The following ABCA5 variants were observed in gnomAD, a reference collection of about 807,000 sequenced individuals.
ABCA5 encodes ATP binding cassette subfamily A member 5, also known as cholesterol transporter ABCA5.
A neutral mutation model predicts 206.0 loss-of-function variants in ABCA5; 163 were observed. That is an observed-to-expected ratio of 0.79 (90% CI 0.70 to 0.90). ABCA5 has a LOEUF of 0.90. Among genes scored for constraint, ABCA5 ranks in the 40% least tolerant of loss-of-function variants. The probability of loss-of-function intolerance (pLI) is 0.00; values close to 1 mark genes in which losing one functional copy is unlikely to be tolerated. For missense variants in ABCA5, 1,859 were observed against 1,912.9 expected, an observed-to-expected ratio of 0.97 and a Z score of 0.53; for synonymous variants, 609 against 613.8, an observed-to-expected ratio of 0.99 and a Z score of 0.11.
At chr17:69,321,264 A>G (rs991769297) in intron 1 of ABCA5, among the ~76,000 whole-genome samples, 3 of 147,066 alleles carry the variant, frequency 2.0e-5, no homozygotes, top group South Asian at 2.1e-4. Flanking sequence ...TGAGGTTTCC[A>G]GAAAGAAAGG....
intron 2 of ABCA5, among the ~76,000 whole-genome samples, chr17:69,313,567 ATATT>A (rs1403019983): frequency 6.6e-6 from 1 of 152,150 alleles, no homozygotes; most frequent in African/African-American, 2.4e-5. Context: ...ATAAAAGATA[ATATT>A]TAAACATCTT....
At chr17:69,310,675 T>G (rs923697114) in intron 3 of ABCA5, among the ~76,000 whole-genome samples, 1 of 152,222 alleles carries the variant, frequency 6.6e-6, no homozygotes, top group Admixed American at 6.5e-5. Flanking sequence ...TTAAATATTT[T>G]CTTGTAGTTT....
At position 69,274,121 on chromosome 17, in the gene ABCA5, G is replaced by C. The variant is rs747539849; in HGVS notation, c.2602C>G (p.Leu868Val). The C allele has an allele frequency of 2.6e-6, 4 of 1,556,732 alleles. No homozygotes were observed. The highest frequency in any genetic ancestry group is 1.7e-6 in the Non-Finnish European group (2 of 1,159,922). Residue 868 changes from leucine (L) to valine (V), a missense_variant, in exon 20 of 39, where the codon CTG becomes GTG. Physicochemically the swap from Leu to Val is conservative, Grantham distance 32. Transcript: ENST00000392676. ...ESKSVRSVLL[L>V]LLIFFTVQIF... ...TGAACTGTGAAAAAAATTAAAAGCA[G>C]AAGCAACCTGAAAAGAAAAAAAAAA...
intron 2 of ABCA5, 28 bp from the exon 3 acceptor site, chr17:69,313,324 A>G: frequency 1.9e-6 from 2 of 1,072,430 alleles, no homozygotes; most frequent in Non-Finnish European, 2.6e-6. Flanking sequence ...AAGTAATTAC[A>G]AAGTATAACA....
rs1297896346 is a variant in ABCA5, at chr17:69,245,893, A to C, written c.*1644T>G. ...CTTAGGATGGTCAGGTTCTAAAAAA[A>C]ACTATGCTTTTTCGTGACTGCCTTA... On this transcript the variant is annotated 3_prime_UTR_variant, in exon 39 of 39. Coordinates refer to ENST00000392676, the MANE Select transcript of ABCA5 (RefSeq NM_172232.4). 1 of 152,024 alleles carries C rather than the reference A, an allele frequency of 6.6e-6. No individual in the cohort carries two copies. Among genetic ancestry groups the C allele is most frequent in the Non-Finnish European group, 1.5e-5 (1 of 67,860 alleles). The allele number at this position is 152,024 out of a possible 1,614,324, so 9.4% of individuals were successfully genotyped here.
chr17:69,289,626 G>A (rs1271868291), intron 13 of ABCA5, among the ~76,000 whole-genome samples: 1 of 152,104 alleles, frequency 6.6e-6, no homozygotes, highest in Non-Finnish European at 1.5e-5. Flanking sequence ...TAGAGGAGAT[G>A]AGAGCAAGAG....
At chr17:69,274,348 A>G (rs938781824) in intron 19 of ABCA5, among the ~76,000 whole-genome samples, 2 of 151,646 alleles carry the variant, frequency 1.3e-5, no homozygotes, top group African/African-American at 4.8e-5. Context: ...CATCCCAAAT[A>G]GCTGAGACTA....
chr17:69,310,706 T>G (rs1379568385), intron 3 of ABCA5, among the ~76,000 whole-genome samples: 1 of 152,154 alleles, frequency 6.6e-6, no homozygotes, highest in African/African-American at 2.4e-5. Flanking sequence ...CAACTAATTT[T>G]CACTACAGAA....
chr17:69,250,223 T>A (rs572959961), intron 36 of ABCA5, among the ~76,000 whole-genome samples: 1 of 151,768 alleles, frequency 6.6e-6, no homozygotes, highest in Non-Finnish European at 1.5e-5. Flanking sequence ...AAGGCAGATA[T>A]AAAACACCAG....
chr17:69,302,775 C>T lies in ABCA5; in HGVS notation c.1062G>A (p.Ser354=), dbSNP rs143655246. ...MIILIESFPK[S]LVWLFSPFCH... is the part of the protein sequence containing the mutation. ...AGAAAGGACTGAAAAGCCACACTAA[C>T]GATTTGGGAAAACTTTCTATGAGGA... is the stretch of plus-strand genomic sequence containing the variant. Residue 354 remains serine, a synonymous_variant, in exon 8 of 39, where the codon TCG becomes TCA. Transcript: ENST00000392676. 1.6e-3 allele frequency: 2,531 copies of T among 1,599,072 alleles called. 3 individuals carry two copies. Among genetic ancestry groups the T allele is most frequent in the Non-Finnish European group, 2.0e-3 (2,386 of 1,176,060 alleles).
Position 69,255,846 on chromosome 17 carries a change from G to A in ABCA5, c.3863C>T (p.Pro1288Leu). 1.3e-6 allele frequency: 2 copies of A among 1,546,032 alleles called. No homozygotes were observed. Among genetic ancestry groups the A allele is most frequent in the Non-Finnish European group, 1.7e-6 (2 of 1,146,162 alleles). Residue 1288 changes from proline to leucine, a missense_variant, in exon 30 of 39, where the codon CCA (proline) becomes CTA (leucine). Physicochemically the swap from Pro to Leu is moderately conservative, Grantham distance 98. Transcript: ENST00000392676. ...LMGCQCCEEK[P>L]SIMVSNLHKE... ...ATGCAAATTGCTGACCATAATGGAT[G>A]GTTTCTAATAAGAAAAATTGTATTT...
chr17:69,306,247 A>C lies in ABCA5; in HGVS notation c.788+478T>G, dbSNP rs541145064. ...TCATCTTAATTCACCCAAATAACTAAAACTTTCGAGGGAAAAAAAGTCCAT... is the reference window on the plus strand; with the variant it reads ...TCATCTTAATTCACCCAAATAACTACAACTTTCGAGGGAAAAAAAGTCCAT... On this transcript the variant is annotated intron_variant, in intron 6 of 38. Transcript: ENST00000392676. Among the ~76,000 whole-genome samples the C allele has an allele frequency of 4.6e-5, 7 of 152,264 alleles. No individual in the cohort carries two copies. In the East Asian group the frequency reaches 1.3e-3, roughly 29 times the overall value.
In ABCA5 at chr17:69,290,025, A is replaced by G; in HGVS notation, c.1619T>C (p.Ile540Thr). 1 of 1,591,104 alleles carries G rather than the reference A, an allele frequency of 6.3e-7. No homozygotes were observed. Among genetic ancestry groups the G allele is most frequent in the Non-Finnish European group, 8.5e-7 (1 of 1,172,010 alleles). Residue 540 changes from isoleucine (I) to threonine (T), a missense_variant, in exon 13 of 39, where the codon ATA becomes ACA. By Grantham distance (89) the Ile-to-Thr change is moderately conservative (BLOSUM62 -1). Transcript: ENST00000392676. ...TATTTCTGAGACTCTGTGTCCATAT[A>G]TAGATGCAAACCCTAAAAGCAAAAT... ...LCPPSDGFAS[I>T]YGHRVSEIDE...
chr17:69,308,972 G>C (rs2075744784), intron 4 of ABCA5, among the ~76,000 whole-genome samples: 2 of 151,966 alleles, frequency 1.3e-5, no homozygotes, highest in South Asian at 2.1e-4. Context: ...ATGAAAAAAA[G>C]AGATTTAGAA....
At position 69,250,525 on chromosome 17, in the gene ABCA5, G is replaced by T; in HGVS notation, c.4632C>A (p.Asp1544Glu). ...LKDWIENLEV[D>E]RLQREIQYIF... is the part of the protein sequence containing the mutation. Reference sequence around the variant, plus strand: ...TATACTGAATTTCTCTTTGAAGGCGGTCTACTTCTAGGTTTTCTATCCAGT... The same window carrying T: ...TATACTGAATTTCTCTTTGAAGGCGTTCTACTTCTAGGTTTTCTATCCAGT... The change falls in exon 36 of 39, where the codon GAC becomes GAA. Residue 1544 changes from aspartate (D) to glutamate (E), a missense_variant. Physicochemically the swap from Asp to Glu is conservative, Grantham distance 45. Coordinates refer to ENST00000392676, the MANE Select transcript of ABCA5 (RefSeq NM_172232.4). 1 of 1,602,082 alleles carries T rather than the reference G, an allele frequency of 6.2e-7. No individual in the cohort carries two copies. Among genetic ancestry groups the T allele is most frequent in the Non-Finnish European group, 8.5e-7 (1 of 1,175,938 alleles).
At chr17:69,300,259 G>A (rs1014766020) in intron 9 of ABCA5, among the ~76,000 whole-genome samples, 4 of 152,078 alleles carry the variant, frequency 2.6e-5, no homozygotes. Flanking sequence ...TTCGCAATAG[G>A]GTTCATACTC....
chr17:69,291,234 G>A lies in ABCA5; in HGVS notation c.1588C>T (p.Leu530Phe). 1.9e-6 allele frequency: 3 copies of A among 1,601,130 alleles called. No homozygotes were observed. The highest frequency in any genetic ancestry group is 1.3e-5 in the African/African-American group (1 of 74,648). ...AACTCACCATCAGAAGGTGGGCAGAGTCCACAAAGAATATTCATCAATGTA... is the reference window on the plus strand; with the variant it reads ...AACTCACCATCAGAAGGTGGGCAGAATCCACAAAGAATATTCATCAATGTA... ...KSTLMNILCG[L>F]CPPSDGFASI... Residue 530 changes from leucine to phenylalanine, a missense_variant, in exon 12 of 39, where the codon CTC (leucine) becomes TTC (phenylalanine). Physicochemically the swap from Leu to Phe is conservative, Grantham distance 22 (BLOSUM62 0). Transcript: ENST00000392676.
chr17:69,263,808 T>C (rs1027899633), intron 24 of ABCA5, among the ~76,000 whole-genome samples: 1 of 150,476 alleles, frequency 6.6e-6, no homozygotes, highest in Non-Finnish European at 1.5e-5. Flanking sequence ...GCGATTCTCC[T>C]GCCTCAGCCT....
chr17:69,303,829 T>TACATATATATAC (rs369775125), intron 7 of ABCA5, among the ~76,000 whole-genome samples: 1 of 14,586 alleles, frequency 6.9e-5, no homozygotes, highest in African/African-American at 1.5e-4. Flanking sequence ...TATATATGTA[T>TACATATATATAC]ATATATATAT....
Sources: gnomAD v4.1 joint callset for allele counts (sites outside exome capture counted in the v4.1 genomes callset) on GRCh38, gnomAD v4.1.1 for gene constraint, MANE v1.5 for transcripts, NCBI Gene and HGNC (gene_info 2026-07-23, HGNC 2026-07-21) for gene names.